SHANK2: variants seen among roughly 807,000 people sequenced by gnomAD.
SHANK2 encodes SH3 and multiple ankyrin repeat domains 2.
SHANK2 carries 43 observed loss-of-function variants against 133.7 expected under a neutral mutation model. That is an observed-to-expected ratio of 0.32 (90% CI 0.25 to 0.41). SHANK2 has a LOEUF of 0.41. Ranked by LOEUF, SHANK2 falls within the 10% of genes least tolerant of loss-of-function variation. The probability of loss-of-function intolerance (pLI) is 1.00; values close to 1 mark genes in which losing one functional copy is unlikely to be tolerated. For missense variants in SHANK2, 1,994 were observed against 2,235.8 expected (o/e 0.89, Z 2.18); for synonymous variants, 1,017 against 952.8 (o/e 1.07, Z -1.24).
At chr11:70,711,168 G>A (rs1010444117) in intron 14 of SHANK2, among the ~76,000 whole-genome samples, 20 of 152,178 alleles carry the variant, frequency 1.3e-4, no homozygotes, top group African/African-American at 4.8e-4. Context: ...GGGTCCCCAG[G>A]ACTTCCGTGT....
chr11:71,180,959 G>A (rs912133153), intron 2 of SHANK2, among the ~76,000 whole-genome samples: 1 of 151,910 alleles, frequency 6.6e-6, no homozygotes, highest in East Asian at 2.0e-4. Flanking sequence ...ACTTCCATGT[G>A]GCAAATCAGC....
intron 11 of SHANK2, among the ~76,000 whole-genome samples, chr11:70,829,492 G>T (rs1004875897): frequency 6.6e-6 from 1 of 152,084 alleles, no homozygotes; most frequent in South Asian, 2.1e-4. Flanking sequence ...CACCCCTGGG[G>T]TCCCTCTGCC....
At chr11:71,087,302 C>T (rs1454048480) in intron 8 of SHANK2, among the ~76,000 whole-genome samples, 1 of 152,112 alleles carries the variant, frequency 6.6e-6, no homozygotes, top group Non-Finnish European at 1.5e-5. Flanking sequence ...GGCCCGGAGA[C>T]ATTTGCCTGG....
chr11:71,134,119 C>T (rs1952390125), intron 3 of SHANK2, among the ~76,000 whole-genome samples: 2 of 151,568 alleles, frequency 1.3e-5, no homozygotes, highest in Non-Finnish European at 2.9e-5. Flanking sequence ...GCAGGAGGCC[C>T]GGAGTGGGCA....
Position 70,820,583 on chromosome 11 carries a change from T to C in SHANK2, c.1274A>G (p.Asn425Ser). ...RVLLRSNSDN[N>S]LNASAPDWAV... ...CCAGTCGGGAGCGCTGGCATTGAGGTTGTTGTCACTGTTGGAGCGCAGCAG... is the reference window on the plus strand; with the variant it reads ...CCAGTCGGGAGCGCTGGCATTGAGGCTGTTGTCACTGTTGGAGCGCAGCAG... Residue 425 changes from asparagine (N) to serine (S), a missense_variant, in exon 12 of 26, where the codon AAC becomes AGC. By Grantham distance (46) the Asn-to-Ser change is conservative (BLOSUM62 1). Around this residue, in one of 5 missense-constraint regions of SHANK2, gnomAD observed 653 missense variants for 563.4 expected, o/e 1.16. Transcript: ENST00000601538. 5.6e-6 allele frequency: 4 copies of C among 716,572 alleles called. No homozygotes were observed. Among genetic ancestry groups the C allele is most frequent in the South Asian group, 1.5e-5 (1 of 67,540 alleles). 44.4% of individuals were successfully genotyped at this position (716,572 alleles called of 1,614,324 possible).
chr11:70,704,628 C>T (rs1042707263), intron 14 of SHANK2, among the ~76,000 whole-genome samples: 2 of 129,930 alleles, frequency 1.5e-5, no homozygotes, highest in Admixed American at 7.8e-5. Flanking sequence ...TTTAGAGATG[C>T]GATGGAAGGA....
chr11:70,917,338 C>T (rs1950284791), intron 10 of SHANK2, among the ~76,000 whole-genome samples: 4 of 152,048 alleles, frequency 2.6e-5, no homozygotes, highest in Admixed American at 2.6e-4. Context: ...GTCAGAATGG[C>T]TATTATTAAA....
chr11:70,593,533 C>T lies in SHANK2; in HGVS notation c.2061+66295G>A, dbSNP rs138622451. Reference sequence around the variant, plus strand: ...GTGGCTACCTCGCCTGCCTGCCCCACGGGACGTCTGAGCAGGTGTGTCAGA... The same window carrying T: ...GTGGCTACCTCGCCTGCCTGCCCCATGGGACGTCTGAGCAGGTGTGTCAGA... On this transcript the variant is annotated intron_variant, in intron 17 of 25. Coordinates refer to ENST00000601538, the MANE Select transcript of SHANK2 (RefSeq NM_012309.5). Among the ~76,000 whole-genome samples, 8 of 152,274 alleles carry T rather than the reference C, an allele frequency of 5.3e-5. No individual in the cohort carries two copies. The East Asian group carries it at 7.7e-4, about 15-fold the overall frequency.
intron 11 of SHANK2, among the ~76,000 whole-genome samples, chr11:70,890,511 A>C (rs1949823876): frequency 6.6e-6 from 1 of 151,626 alleles, no homozygotes; most frequent in Admixed American, 6.6e-5. Context: ...AAAAACAAAA[A>C]AACAGAGGCC....
At chr11:70,818,625 G>A (rs1391038258) in intron 12 of SHANK2, among the ~76,000 whole-genome samples, 3 of 152,182 alleles carry the variant, frequency 2.0e-5, no homozygotes, top group South Asian at 2.1e-4. Flanking sequence ...ATTGTTCTCA[G>A]CACCTGGGAC....
chr11:71,085,829 A>AAT (rs1951391678), intron 8 of SHANK2, among the ~76,000 whole-genome samples: 2 of 2,224 alleles, frequency 9.0e-4, no homozygotes, highest in Non-Finnish European at 1.1e-3. Flanking sequence ...ATTATATAAT[A>AAT]ATATTATACA....
At chr11:70,940,100 C>A (rs562839374) in intron 10 of SHANK2, among the ~76,000 whole-genome samples, 13 of 147,828 alleles carry the variant, frequency 8.8e-5, no homozygotes, top group African/African-American at 3.0e-4. Context: ...AGGAAGGCAG[C>A]CCCACCCACA....
chr11:70,610,565 A>C (rs2060644652), intron 17 of SHANK2, among the ~76,000 whole-genome samples: 1 of 152,174 alleles, frequency 6.6e-6, no homozygotes, highest in Non-Finnish European at 1.5e-5. Flanking sequence ...CCTGAATCCA[A>C]GGATGATGGT....
chr11:71,177,351 A>G (rs1190309434), intron 2 of SHANK2, among the ~76,000 whole-genome samples: 1 of 152,206 alleles, frequency 6.6e-6, no homozygotes, highest in Non-Finnish European at 1.5e-5. Flanking sequence ...TTTACAAGAC[A>G]TATAGAAGAA....
At chr11:70,880,992 G>A (rs1555072316) in intron 11 of SHANK2, among the ~76,000 whole-genome samples, 6 of 152,196 alleles carry the variant, frequency 3.9e-5, no homozygotes, top group Non-Finnish European at 1.5e-5. Flanking sequence ...CAACTTTTGG[G>A]CATCCCAACC....
At chr11:71,066,221 C>A (rs1319093031) in intron 9 of SHANK2, among the ~76,000 whole-genome samples, 432 of 1,670 alleles carry the variant, frequency 0.26, 33 homozygotes, top group East Asian at 0.35. Context: ...GAACTCTCCC[C>A]CGGAGATGAG....
chr11:70,473,224 G>A lies in SHANK2; in HGVS notation c.5195C>T (p.Ser1732Phe). Residue 1732 changes from serine to phenylalanine, a missense_variant, in exon 26 of 26, where the codon TCT (serine) becomes TTT (phenylalanine). Ser to Phe is a radical substitution (Grantham distance 155). Coordinates refer to ENST00000601538, the MANE Select transcript of SHANK2 (RefSeq NM_012309.5). The surrounding 1 kb of genome is among the most constrained non-coding windows in gnomAD (Gnocchi z 5.9). ...LPAPLSAATA[S>F]PSPALSDVFS... ...GACATCTGAGAGAGCGGGAGAAGGA[G>A]AGGCGGTGGCAGCAGACAGGGGGGC... 1 of 1,610,712 alleles carries A rather than the reference G, an allele frequency of 6.2e-7. No homozygotes were observed. The highest frequency in any genetic ancestry group is 8.5e-7 in the Non-Finnish European group (1 of 1,177,150).
At chr11:70,876,243 GACAC>G (rs3064243) in intron 11 of SHANK2, among the ~76,000 whole-genome samples, 1 of 134,830 alleles carries the variant, frequency 7.4e-6, no homozygotes, top group African/African-American at 2.8e-5. Flanking sequence ...CACACATATA[GACAC>G]ACACACACAC....
At chr11:70,713,669 G>A (rs1945844957) in intron 14 of SHANK2, among the ~76,000 whole-genome samples, 1 of 152,160 alleles carries the variant, frequency 6.6e-6, no homozygotes, top group African/African-American at 2.4e-5. Context: ...AGCTGTCACA[G>A]CGCCGGGTGT....
Sources: gnomAD v4.1 joint callset for allele counts (sites outside exome capture counted in the v4.1 genomes callset) on GRCh38, gnomAD v4.1.1 for gene constraint, gnomAD v4.1.1 regional missense constraint, Gnocchi (gnomAD v3.1) non-coding constraint, MANE v1.5 for transcripts, NCBI Gene and HGNC (gene_info 2026-07-23, HGNC 2026-07-21) for gene names.